The following LRRC9 variants were observed in gnomAD, a reference collection of about 807,000 sequenced individuals.
LRRC9 encodes leucine-rich repeat-containing protein 9.
Under a neutral mutation model 63.2 loss-of-function variants are expected in LRRC9, and 122 were observed. The observed-to-expected ratio is 1.93, with a 90% CI of 1.67 to 2.24. The LOEUF (loss-of-function observed/expected upper bound fraction) is 2.24, where lower values mean the gene tolerates loss of function less well. Ranked by LOEUF, LRRC9 falls within the 30% of genes most tolerant of loss-of-function variation. The probability of loss-of-function intolerance (pLI) is 0.00; values close to 1 mark genes in which losing one functional copy is unlikely to be tolerated. For missense variants in LRRC9, 1,071 were observed against 627.7 expected (o/e 1.71, Z -7.55); for synonymous variants, 366 against 213.1 (o/e 1.72, Z -6.25).
At chr14:60,043,098 T>C (rs1346105352) in intron 29 of LRRC9, among the ~76,000 whole-genome samples, 1 of 152,210 alleles carries the variant, frequency 6.6e-6, no homozygotes, top group African/African-American at 2.4e-5. Flanking sequence ...TTCAAATTGT[T>C]TGCTGTTGAC....
At position 59,923,854 on chromosome 14, in the gene LRRC9, T is replaced by C. The variant is rs1167343482; in HGVS notation, c.-34+3971T>C. Among the ~76,000 whole-genome samples, 1 of 152,190 alleles carries C rather than the reference T, an allele frequency of 6.6e-6. No individual in the cohort carries two copies. Among genetic ancestry groups the C allele is most frequent in the African/African-American group, 2.4e-5 (1 of 41,460 alleles). On this transcript the variant is annotated intron_variant, in intron 1 of 31. Coordinates refer to ENST00000445360, the Ensembl canonical transcript of LRRC9. The surrounding 1 kb of genome is among the most constrained non-coding windows in gnomAD (Gnocchi z 4.2). ...GACTCCGAAGGCTGAGGCAGGAGTA[T>C]GGCGTGAACCCGGGAGGTGGAGCTT...
chr14:60,020,874 T>C (rs1444564405), intron 26 of LRRC9, among the ~76,000 whole-genome samples: 6 of 151,952 alleles, frequency 3.9e-5, no homozygotes, highest in African/African-American at 9.7e-5. Context: ...TGTTACATAA[T>C]GTTTATTCAT....
chr14:59,928,401 T>C (rs955632047), exon 3 of LRRC9: 21 of 698,316 alleles, frequency 3.0e-5, no homozygotes, highest in Non-Finnish European at 4.7e-5. Flanking sequence ...AGTCTTACCA[T>C]TGTTGCTCAA....
Position 60,004,328 on chromosome 14 carries a change from G to A in LRRC9, c.2842+530G>A, listed in dbSNP as rs1321515606. ...TCTGTTTTGAAAATATAAAATTGAG[G>A]TTATATTTGGAAATTTGAATACTTT... On this transcript the variant is annotated intron_variant, in intron 21 of 31. Transcript: ENST00000445360. This position sits in a 1 kb window ranked among gnomAD's most constrained non-coding sequence, Gnocchi z 4.8. 1.3e-5 allele frequency among the ~76,000 whole-genome samples: 2 copies of A among 151,864 alleles called. No individual in the cohort carries two copies. The highest frequency in any genetic ancestry group is 1.9e-4 in the East Asian group (1 of 5,188).
chr14:59,998,436 G>T (rs577830851), intron 18 of LRRC9, among the ~76,000 whole-genome samples: 1 of 151,966 alleles, frequency 6.6e-6, no homozygotes, highest in South Asian at 2.1e-4. Context: ...AAAATATGTA[G>T]ATTAATGCTA....
Position 59,977,365 on chromosome 14 carries a change from A to T in LRRC9, c.1762+18A>T. Reference sequence around the variant, plus strand: ...TTTACTAAGTATGTCTATCATAAAGATTAATGTGGTTTTATCTCTCTGAAT... The same window carrying T: ...TTTACTAAGTATGTCTATCATAAAGTTTAATGTGGTTTTATCTCTCTGAAT... On this transcript the variant is annotated intron_variant, in intron 14 of 31. Coordinates refer to ENST00000445360, the Ensembl canonical transcript of LRRC9. 2 of 664,906 alleles carry T rather than the reference A, an allele frequency of 3.0e-6. No homozygotes were observed. The highest frequency in any genetic ancestry group is 5.4e-6 in the Non-Finnish European group (2 of 371,380). The allele number at this position is 664,906 out of a possible 1,614,324, so 41.2% of individuals were successfully genotyped here. A position where few individuals can be genotyped will look rare whatever the true frequency, so the allele number is the denominator to read the frequency against.
intron 8 of LRRC9, among the ~76,000 whole-genome samples, chr14:59,952,307 C>G (rs946877767): frequency 6.6e-6 from 1 of 152,192 alleles, no homozygotes; most frequent in African/African-American, 2.4e-5. Flanking sequence ...AAAGGGAACT[C>G]CCTGACCCCT....
At chr14:59,978,197 T>C (rs1317903177) in intron 15 of LRRC9, 65 bp downstream of exon 15, 6 of 681,126 alleles carry the variant, frequency 8.8e-6, no homozygotes, top group South Asian at 6.2e-5. Context: ...AAGTAGTAAT[T>C]TGAAGTCGAA....
chr14:59,960,124 G>A lies in LRRC9; in HGVS notation c.1079+110G>A, dbSNP rs954471176. ...TTCTTCAGGAGTATGAACAATTACA[G>A]TATGAAGTAAAGCATGAAATATATT... On this transcript the variant is annotated intron_variant, in intron 9 of 31. Transcript: ENST00000445360. 4.6e-5 allele frequency: 24 copies of A among 521,324 alleles called. No individual in the cohort carries two copies. In the African/African-American group the frequency reaches 4.6e-4, roughly 10 times the overall value. 32.3% of individuals were successfully genotyped at this position (521,324 alleles called of 1,614,324 possible).
rs1893061451 is a variant in LRRC9 at position 60,042,693 on chromosome 14, C to T, written c.3991-10372C>T. On this transcript the variant is annotated intron_variant, in intron 29 of 31. Transcript: ENST00000445360. The surrounding 1 kb of genome is among the most constrained non-coding windows in gnomAD (Gnocchi z 4.2). Reference sequence around the variant, plus strand: ...AAAGGGAATTTCCCCACCCTTTGCACTTCCCGGGTGAGGCAATGCCCTGTC... The same window carrying T: ...AAAGGGAATTTCCCCACCCTTTGCATTTCCCGGGTGAGGCAATGCCCTGTC... Among the ~76,000 whole-genome samples the T allele has an allele frequency of 6.6e-6, 1 of 152,176 alleles. No homozygotes were observed. Among genetic ancestry groups the T allele is most frequent in the African/African-American group, 2.4e-5 (1 of 41,438 alleles).
At chr14:60,057,806 T>TTTTA in intron 30 of LRRC9, 72 bp from the exon 31 acceptor site, 1 of 506,570 alleles carries the variant, frequency 2.0e-6, no homozygotes, top group Non-Finnish European at 3.7e-6. Flanking sequence ...CTCAGACTTG[T>TTTTA]TATAAGGATT....
At chr14:59,977,647 T>G (rs1886450208) in intron 14 of LRRC9, among the ~76,000 whole-genome samples, 1 of 151,162 alleles carries the variant, frequency 6.6e-6, no homozygotes, top group African/African-American at 2.4e-5. Flanking sequence ...TTAACAAGAG[T>G]TTTAGAGAAA....
intron 29 of LRRC9, among the ~76,000 whole-genome samples, chr14:60,044,457 G>A (rs1030660779): frequency 6.6e-6 from 1 of 152,042 alleles, no homozygotes; most frequent in African/African-American, 2.4e-5. Context: ...TGTTGGTACT[G>A]CTTCTGCCAT....
At chr14:59,999,367 G>T in intron 19 of LRRC9, 141 bp downstream of exon 19, 5 of 474,388 alleles carry the variant, frequency 1.1e-5, no homozygotes, top group South Asian at 4.0e-5. Context: ...CATACCACTT[G>T]GTATTTTTTC....
chr14:60,063,213 G>T, intron 31 of LRRC9, 110 bp from the exon 33 acceptor site: 1 of 632,390 alleles, frequency 1.6e-6, no homozygotes, highest in Non-Finnish European at 2.8e-6. Flanking sequence ...TTTTGAAATT[G>T]CGCACATCTA....
chr14:60,032,948 T>C (rs1419677182), intron 29 of LRRC9, among the ~76,000 whole-genome samples: 1 of 152,118 alleles, frequency 6.6e-6, no homozygotes, highest in East Asian at 1.9e-4. Flanking sequence ...CAATAAACAG[T>C]ATCCCCTAAT....
chr14:60,021,449 C>T (rs1891110761), intron 26 of LRRC9, among the ~76,000 whole-genome samples: 1 of 151,824 alleles, frequency 6.6e-6, no homozygotes, highest in African/African-American at 2.4e-5. Flanking sequence ...CCTCTCTTTT[C>T]ATTTTCTTAA....
chr14:59,946,071 A>G (rs1464763555), intron 8 of LRRC9, among the ~76,000 whole-genome samples: 1 of 151,624 alleles, frequency 6.6e-6, no homozygotes, highest in Non-Finnish European at 1.5e-5. Flanking sequence ...ATATGTATAT[A>G]AAAGGATATA....
rs1485727307 is a variant in LRRC9, at chr14:59,936,710, A to G, written c.544-1680A>G. Among the ~76,000 whole-genome samples the G allele has an allele frequency of 6.6e-6, 1 of 151,994 alleles. No homozygotes were observed. Among genetic ancestry groups the G allele is most frequent in the African/African-American group, 2.4e-5 (1 of 41,354 alleles). ...GTCCATAAATCTTCCTTTTAGAGCAACTCTGCTTAGTCCTCCTCCCTGCAT... is the reference window on the plus strand; with the variant it reads ...GTCCATAAATCTTCCTTTTAGAGCAGCTCTGCTTAGTCCTCCTCCCTGCAT... On this transcript the variant is annotated intron_variant, in intron 6 of 31. Transcript: ENST00000445360. This position sits in a 1 kb window ranked among gnomAD's most constrained non-coding sequence, Gnocchi z 4.2.
Sources: allele counts gnomAD v4.1 joint callset (sites outside exome capture counted in the v4.1 genomes callset), GRCh38; gene constraint gnomAD v4.1.1; non-coding constraint Gnocchi (gnomAD v3.1); transcripts MANE v1.5; gene names NCBI Gene and HGNC (gene_info 2026-07-23, HGNC 2026-07-21).